DYNC2H1: variants seen among roughly 807,000 people sequenced by gnomAD.
The protein encoded by DYNC2H1 is dynein cytoplasmic 2 heavy chain 1.
DYNC2H1 carries 410 observed loss-of-function variants against 570.0 expected under a neutral mutation model. The observed-to-expected ratio is 0.72, with a 90% CI of 0.66 to 0.78. The LOEUF (loss-of-function observed/expected upper bound fraction) is 0.78. Ranked by LOEUF, DYNC2H1 falls within the 30% of genes least tolerant of loss-of-function variation. The pLI, the probability that DYNC2H1 is intolerant of heterozygous loss-of-function variation, is 0.00. For missense variants in DYNC2H1, 4,865 were observed against 5,046.4 expected (o/e 0.96, Z 1.09); for synonymous variants, 1,688 against 1,677.6 (o/e 1.01, Z -0.15).
At chr11:103,266,493 T>G (rs1591496870) in intron 70 of DYNC2H1, among the ~76,000 whole-genome samples, 1 of 151,996 alleles carries the variant, frequency 6.6e-6, no homozygotes, top group South Asian at 2.1e-4. Flanking sequence ...AGCACAAAAG[T>G]CAGCCACTAG....
At chr11:103,171,503 C>T (rs925423394) in intron 34 of DYNC2H1, among the ~76,000 whole-genome samples, 1 of 151,974 alleles carries the variant, frequency 6.6e-6, no homozygotes, top group Non-Finnish European at 1.5e-5. Flanking sequence ...TGATCCACCC[C>T]CCTCGGCCTC....
intron 70 of DYNC2H1, among the ~76,000 whole-genome samples, chr11:103,276,464 T>G (rs1865910186): frequency 6.6e-6 from 1 of 152,122 alleles, no homozygotes; most frequent in African/African-American, 2.4e-5. Context: ...GTAGGAAGGT[T>G]TGTGCTTAAT....
intron 87 of DYNC2H1, among the ~76,000 whole-genome samples, chr11:103,459,576 T>G (rs1482715988): frequency 6.6e-6 from 1 of 152,062 alleles, no homozygotes; most frequent in African/African-American, 2.4e-5. Flanking sequence ...TACAATGGTA[T>G]AGTGTGCCAG....
chr11:103,409,087 A>G (rs1014269104), intron 84 of DYNC2H1, among the ~76,000 whole-genome samples: 4 of 152,038 alleles, frequency 2.6e-5, no homozygotes, highest in African/African-American at 9.7e-5. Flanking sequence ...TGTTGAACAT[A>G]TGTCACTGGG....
chr11:103,268,607 T>C lies in DYNC2H1; in HGVS notation c.10695+8630T>C, dbSNP rs557779513. The stretch of plus-strand genomic sequence containing the variant: ...ATAATGTGTTTAATGGTTTTTAAAT[T>C]TTTATTTCTAAGACCTTTACACTGA... On this transcript the variant is annotated intron_variant, in intron 70 of 88. Coordinates refer to ENST00000375735, the MANE Select transcript of DYNC2H1 (RefSeq NM_001377.3). The surrounding 1 kb of genome is among the most constrained non-coding windows in gnomAD (Gnocchi z 4.6). 6.6e-6 allele frequency among the ~76,000 whole-genome samples: 1 copy of C among 152,024 alleles called. No individual in the cohort carries two copies. Among genetic ancestry groups the C allele is most frequent in the Non-Finnish European group, 1.5e-5 (1 of 67,910 alleles).
At position 103,268,801 on chromosome 11, in the gene DYNC2H1, T is replaced by G. The variant is rs572189855; in HGVS notation, c.10695+8824T>G. Among the ~76,000 whole-genome samples, 1 of 152,166 alleles carries G rather than the reference T, an allele frequency of 6.6e-6. No individual in the cohort carries two copies. The highest frequency in any genetic ancestry group is 6.5e-5 in the Admixed American group (1 of 15,288). ...TCATTTGAAATATTAGTAGCTTTTCTTATTAGGAGTTAGTTGCTTGTTTCT... is the reference window on the plus strand; with the variant it reads ...TCATTTGAAATATTAGTAGCTTTTCGTATTAGGAGTTAGTTGCTTGTTTCT... On this transcript the variant is annotated intron_variant, in intron 70 of 88. Transcript: ENST00000375735. This position sits in a 1 kb window ranked among gnomAD's most constrained non-coding sequence, Gnocchi z 4.6.
chr11:103,327,290 C>A (rs1304543670), intron 82 of DYNC2H1, among the ~76,000 whole-genome samples: 2 of 151,990 alleles, frequency 1.3e-5, no homozygotes, highest in Non-Finnish European at 2.9e-5. Context: ...CTTGTTCCAG[C>A]CCTCTCTATT....
At chr11:103,212,825 T>G (rs1339884161) in intron 54 of DYNC2H1, among the ~76,000 whole-genome samples, 1 of 152,138 alleles carries the variant, frequency 6.6e-6, no homozygotes, top group African/African-American at 2.4e-5. Flanking sequence ...GAGGGTTAAT[T>G]TCCTGATTTA....
At chr11:103,263,676 A>G (rs1565443574) in intron 70 of DYNC2H1, among the ~76,000 whole-genome samples, 1 of 152,222 alleles carries the variant, frequency 6.6e-6, no homozygotes, top group African/African-American at 2.4e-5. Context: ...GAACAAAGAC[A>G]CAATGTACCA....
chr11:103,367,628 T>C (rs1168822834), intron 83 of DYNC2H1, among the ~76,000 whole-genome samples: 3 of 152,174 alleles, frequency 2.0e-5, no homozygotes. Context: ...AGCTATTTTG[T>C]GCTATGCTTT....
intron 17 of DYNC2H1, among the ~76,000 whole-genome samples, chr11:103,139,856 C>T (rs1432699700): frequency 6.6e-6 from 1 of 152,038 alleles, no homozygotes; most frequent in African/African-American, 2.4e-5. Flanking sequence ...GTCTAAGTCT[C>T]TTTGTAGGTC....
intron 56 of DYNC2H1, 77 bp from the exon 57 acceptor site, chr11:103,220,546 A>G (rs1863546446): frequency 1.4e-6 from 2 of 1,392,550 alleles, no homozygotes; most frequent in Non-Finnish European, 1.9e-6. Context: ...AAATGACAAT[A>G]AAACATAATT....
chr11:103,398,419 A>G (rs1942484041), intron 83 of DYNC2H1, among the ~76,000 whole-genome samples: 3 of 152,310 alleles, frequency 2.0e-5, no homozygotes, highest in Non-Finnish European at 2.9e-5. Flanking sequence ...CATAGCCTGA[A>G]TCTGCTTTTA....
In DYNC2H1 at chr11:103,319,971, C is replaced by T. The variant is rs1938079712; in HGVS notation, c.11726-1058C>T. On this transcript the variant is annotated intron_variant, in intron 80 of 88. Transcript: ENST00000375735. The surrounding 1 kb of genome is among the most constrained non-coding windows in gnomAD (Gnocchi z 4.3). ...TATCCTGCAGGAGGCAACCTAAATC[C>T]CTTATGTTCCAAGGCATGTAGATAA... Among the ~76,000 whole-genome samples the T allele has an allele frequency of 6.6e-6, 1 of 152,104 alleles. No individual in the cohort carries two copies. Among genetic ancestry groups the T allele is most frequent in the African/African-American group, 2.4e-5 (1 of 41,416 alleles).
At chr11:103,427,719 T>C (rs1029275127) in intron 84 of DYNC2H1, among the ~76,000 whole-genome samples, 2 of 152,106 alleles carry the variant, frequency 1.3e-5, no homozygotes, top group African/African-American at 4.8e-5. Flanking sequence ...ACAAGGGCAC[T>C]AATCCCACCA....
At chr11:103,230,246 G>A (rs1863954178) in intron 59 of DYNC2H1, among the ~76,000 whole-genome samples, 1 of 152,136 alleles carries the variant, frequency 6.6e-6, no homozygotes, top group Non-Finnish European at 1.5e-5. Context: ...TCTGATCCTT[G>A]GTTGTTAGTT....
intron 83 of DYNC2H1, among the ~76,000 whole-genome samples, chr11:103,397,203 A>G (rs1178070994): frequency 1.3e-5 from 2 of 152,196 alleles, no homozygotes; most frequent in Non-Finnish European, 2.9e-5. Context: ...CCATGATCAG[A>G]TAATGATTTT....
chr11:103,312,554 A>C (rs913403476), intron 79 of DYNC2H1, among the ~76,000 whole-genome samples: 2 of 133,244 alleles, frequency 1.5e-5, no homozygotes, highest in African/African-American at 2.8e-5. Context: ...AAAAAAAAAA[A>C]AAAAAAAAAA....
chr11:103,149,808 TGAGA>T (rs137963830), intron 20 of DYNC2H1, among the ~76,000 whole-genome samples: 2,350 of 148,564 alleles, frequency 0.016, 52 homozygotes, highest in African/African-American at 0.053. Flanking sequence ...AAAAGAGGAT[TGAGA>T]GAGAGAGAGA....
Sources: gnomAD v4.1 joint callset for allele counts (sites outside exome capture counted in the v4.1 genomes callset) on GRCh38, gnomAD v4.1.1 for gene constraint, Gnocchi (gnomAD v3.1) non-coding constraint, MANE v1.5 for transcripts, NCBI Gene and HGNC (gene_info 2026-07-23, HGNC 2026-07-21) for gene names.